Variants in MTCL2 observed in about 807,000 individuals in gnomAD.
The protein encoded by MTCL2 is microtubule crosslinking factor 2, also known as microtubule cross-linking factor 2.
the MTCL2 span, among the ~76,000 whole-genome samples, chr20:36,810,686 C>CTTCACCCA: frequency 6.6e-6 from 1 of 151,196 alleles, no homozygotes; most frequent in African/African-American, 2.4e-5. Flanking sequence ...GACCTCCAAC[C>CTTCACCCA]TTCACCCACC....
chr20:36,784,044 G>A, the MTCL2 span: 16 of 985,442 alleles, frequency 1.6e-5, no homozygotes, highest in African/African-American at 1.7e-5. Context: ...AATCCTGGAC[G>A]GTACGATGGT....
At chr20:36,805,017 G>A in the MTCL2 span, 1 of 1,148,014 alleles carries the variant, frequency 8.7e-7, no homozygotes, top group Non-Finnish European at 1.2e-6. Context: ...CCTCAGGCAA[G>A]TCCCACAACC....
chr20:36,839,494 G>T, the MTCL2 span: 1 of 1,557,120 alleles, frequency 6.4e-7, no homozygotes, highest in Non-Finnish European at 8.8e-7. This position sits in a 1 kb window ranked among gnomAD's most constrained non-coding sequence, Gnocchi z 5.1. Context: ...CAGCTAGGAG[G>T]CCGGAGTACT....
the MTCL2 span, among the ~76,000 whole-genome samples, chr20:36,858,705 T>A: frequency 4.6e-5 from 7 of 152,226 alleles, no homozygotes; most frequent in Non-Finnish European, 7.3e-5. Flanking sequence ...TTGGGTTCAC[T>A]GCTTGCAAAA....
At chr20:36,778,031 C>T in the MTCL2 span, 1 of 470,836 alleles carries the variant, frequency 2.1e-6, no homozygotes, top group Non-Finnish European at 3.7e-6. Context: ...CCTCCTGCCT[C>T]CCCAGGACTC....
chr20:36,840,429 A>C, the MTCL2 span, among the ~76,000 whole-genome samples: 3 of 150,724 alleles, frequency 2.0e-5, no homozygotes, highest in Non-Finnish European at 4.4e-5. Flanking sequence ...CGGCCTCCCA[A>C]ATTGCTGGGA....
At chr20:36,863,496 C>T in the MTCL2 span, 1 of 455,250 alleles carries the variant, frequency 2.2e-6, no homozygotes, top group East Asian at 8.5e-5. The surrounding 1 kb of genome is among the most constrained non-coding windows in gnomAD (Gnocchi z 6.2). Flanking sequence ...CCGTCCCAAG[C>T]CCCGCCGCGC....
chr20:36,821,647 G>A, the MTCL2 span, among the ~76,000 whole-genome samples: 1 of 152,182 alleles, frequency 6.6e-6, no homozygotes, highest in African/African-American at 2.4e-5. Flanking sequence ...GAGCCCGCAA[G>A]GTGGAGGTTA....
chr20:36,811,972 A>T, the MTCL2 span, among the ~76,000 whole-genome samples: 1 of 152,192 alleles, frequency 6.6e-6, no homozygotes, highest in Non-Finnish European at 1.5e-5. Context: ...GCAGGCTTAG[A>T]AGGGGCTCAG....
the MTCL2 span, among the ~76,000 whole-genome samples, chr20:36,843,959 C>T: frequency 6.6e-6 from 1 of 152,122 alleles, no homozygotes; most frequent in East Asian, 1.9e-4. Context: ...CAGGCCAGGT[C>T]GGGCACGATG....
At chr20:36,842,178 T>G in the MTCL2 span, among the ~76,000 whole-genome samples, 1 of 152,196 alleles carries the variant, frequency 6.6e-6, no homozygotes, top group Non-Finnish European at 1.5e-5. Flanking sequence ...TTTAATAGTT[T>G]GTCTCCCAGC....
chr20:36,816,388 T>A, the MTCL2 span: 1 of 1,238,880 alleles, frequency 8.1e-7, no homozygotes, highest in Non-Finnish European at 1.1e-6. Context: ...TGGGGAGCAC[T>A]ATGTGCTGGG....
At chr20:36,820,999 T>C in the MTCL2 span, among the ~76,000 whole-genome samples, 1 of 152,176 alleles carries the variant, frequency 6.6e-6, no homozygotes, top group Non-Finnish European at 1.5e-5. Context: ...AATTTATGGG[T>C]TTTATTATTT....
At chr20:36,820,782 C>T in the MTCL2 span, among the ~76,000 whole-genome samples, 16 of 151,376 alleles carry the variant, frequency 1.1e-4, no homozygotes, top group Non-Finnish European at 1.9e-4. Context: ...GCAGTGGTTG[C>T]AGTGAGCCGA....
the MTCL2 span, chr20:36,806,098 A>G: frequency 1.6e-4 from 101 of 625,094 alleles, no homozygotes; most frequent in Admixed American, 1.1e-3. Flanking sequence ...TCTGCCCCAA[A>G]GACCAGGAAG....
At chr20:36,860,107 T>C in the MTCL2 span, among the ~76,000 whole-genome samples, 1 of 152,220 alleles carries the variant, frequency 6.6e-6, no homozygotes, top group East Asian at 1.9e-4. Context: ...ATGTACACAG[T>C]GAGAAGTGGC....
At chr20:36,844,973 T>TG in the MTCL2 span, among the ~76,000 whole-genome samples, 1 of 142,072 alleles carries the variant, frequency 7.0e-6, no homozygotes, top group African/African-American at 2.7e-5. Context: ...ATCACACCAC[T>TG]GCACTCCACC....
chr20:36,856,411 T>C, the MTCL2 span, among the ~76,000 whole-genome samples: 13 of 152,178 alleles, frequency 8.5e-5, no homozygotes, highest in East Asian at 2.1e-3. Flanking sequence ...GGCATGGCCC[T>C]CTGCAGCCCC....
the MTCL2 span, among the ~76,000 whole-genome samples, chr20:36,803,708 C>T: frequency 2.6e-5 from 4 of 151,804 alleles, no homozygotes; most frequent in Admixed American, 2.0e-4. Flanking sequence ...GTACTCCCAG[C>T]GCTTTGGGAG....
Sources: gnomAD v4.1 joint callset for allele counts (sites outside exome capture counted in the v4.1 genomes callset) on GRCh38, gnomAD v4.1.1 for gene constraint, Gnocchi (gnomAD v3.1) non-coding constraint, MANE v1.5 for transcripts, NCBI Gene and HGNC (gene_info 2026-07-23, HGNC 2026-07-21) for gene names.